The following NRXN1 variants were observed in gnomAD, a reference collection of about 807,000 sequenced individuals.
NRXN1 encodes neurexin-1.
A neutral mutation model predicts 150.9 loss-of-function variants in NRXN1; 39 were observed. The ratio of observed to expected loss-of-function variants is 0.26; its 90% CI spans 0.20 to 0.34. The LOEUF (loss-of-function observed/expected upper bound fraction) is 0.34. Ranked by LOEUF, NRXN1 falls within the 10% of genes least tolerant of loss-of-function variation. NRXN1 has a pLI of 1.00. For synonymous variants in NRXN1, 924 were observed against 757.0 expected (o/e 1.22, Z -3.62); for missense variants, 1,815 against 1,949.9 (o/e 0.93, Z 1.30).
intron 21 of NRXN1, among the ~76,000 whole-genome samples, chr2:49,945,393 T>C (rs553696922): frequency 8.9e-4 from 129 of 145,602 alleles, no homozygotes; most frequent in African/African-American, 3.0e-3. Flanking sequence ...GGTTTTCTCT[T>C]TTTTTTTTTT....
chr2:50,369,757 A>G (rs1295798970), intron 17 of NRXN1, among the ~76,000 whole-genome samples: 1 of 151,964 alleles, frequency 6.6e-6, no homozygotes, highest in African/African-American at 2.4e-5. Context: ...TAATCGAAGT[A>G]ATGATCAGTG....
chr2:50,959,178 C>T (rs528650090), intron 2 of NRXN1, among the ~76,000 whole-genome samples: 1 of 152,094 alleles, frequency 6.6e-6, no homozygotes, highest in East Asian at 1.9e-4. Flanking sequence ...AATGATGCAA[C>T]CCCTTTGGAA....
At chr2:50,344,035 C>A (rs1455746315) in intron 17 of NRXN1, among the ~76,000 whole-genome samples, 1 of 152,072 alleles carries the variant, frequency 6.6e-6, no homozygotes, top group Non-Finnish European at 1.5e-5. Context: ...TTCCTTTCAC[C>A]CTCATCTATT....
At chr2:50,528,383 TTC>T (rs1158120991) in intron 12 of NRXN1, among the ~76,000 whole-genome samples, 1 of 152,140 alleles carries the variant, frequency 6.6e-6, no homozygotes, top group African/African-American at 2.4e-5. Context: ...TGCTGGCACA[TTC>T]TGTTACAAAA....
At chr2:49,986,093 A>C (rs562803331) in intron 21 of NRXN1, among the ~76,000 whole-genome samples, 18 of 152,350 alleles carry the variant, frequency 1.2e-4, no homozygotes, top group Admixed American at 2.6e-4. Context: ...TGTTAACTTA[A>C]TAATATGTGA....
intron 18 of NRXN1, among the ~76,000 whole-genome samples, chr2:50,109,343 T>G (rs894439611): frequency 1.3e-5 from 2 of 152,174 alleles, no homozygotes; most frequent in Non-Finnish European, 2.9e-5. Flanking sequence ...AATTCTATTT[T>G]ATTTTCAGTT....
chr2:50,418,540 T>A (rs183535144), intron 17 of NRXN1, among the ~76,000 whole-genome samples: 54 of 152,216 alleles, frequency 3.5e-4, no homozygotes, highest in African/African-American at 1.1e-3. Flanking sequence ...TAGTGTCTTT[T>A]CAGAAAGCCC....
At chr2:50,746,405 A>T (rs1429194754) in intron 5 of NRXN1, among the ~76,000 whole-genome samples, 2 of 152,086 alleles carry the variant, frequency 1.3e-5, no homozygotes, top group South Asian at 2.1e-4. Context: ...AAAAAATTTT[A>T]AAAATTGGCC....
intron 12 of NRXN1, among the ~76,000 whole-genome samples, chr2:50,515,802 CA>C (rs758428767): frequency 1.3e-5 from 2 of 152,022 alleles, no homozygotes; most frequent in Non-Finnish European, 2.9e-5. Context: ...GTCATTGTGA[CA>C]ATGATGAGAA....
chr2:50,432,888 C>T (rs1237480063), intron 17 of NRXN1, among the ~76,000 whole-genome samples: 1 of 152,162 alleles, frequency 6.6e-6, no homozygotes. Flanking sequence ...AGCAGAGGCT[C>T]CATTTTTGTT....
chr2:50,828,048 C>T (rs1464442479), intron 5 of NRXN1, among the ~76,000 whole-genome samples: 3 of 150,222 alleles, frequency 2.0e-5, no homozygotes, highest in Non-Finnish European at 1.5e-5. Context: ...TCAATCTTTT[C>T]CCCACCTTTC....
At chr2:50,907,169 G>A (rs1355751807) in intron 5 of NRXN1, among the ~76,000 whole-genome samples, 2 of 145,176 alleles carry the variant, frequency 1.4e-5, no homozygotes, top group African/African-American at 2.5e-5. Flanking sequence ...AGAAGAATCT[G>A]AAAAAAACCA....
At chr2:51,026,403 C>A (rs1181781149) in intron 2 of NRXN1, 2 of 1,601,644 alleles carry the variant, frequency 1.2e-6, no homozygotes, top group Non-Finnish European at 1.7e-6. Context: ...ATTTATACAA[C>A]AGTATTTTCC....
chr2:50,865,756 T>G (rs2106063066), intron 5 of NRXN1, among the ~76,000 whole-genome samples: 1 of 140,434 alleles, frequency 7.1e-6, no homozygotes, highest in East Asian at 2.3e-4. Context: ...TTTTTGGTGG[T>G]GGGGGGATGT....
At chr2:50,140,597 T>C (rs1302378875) in intron 18 of NRXN1, among the ~76,000 whole-genome samples, 2 of 151,992 alleles carry the variant, frequency 1.3e-5, no homozygotes, top group Non-Finnish European at 2.9e-5. Flanking sequence ...GTAGCAACTA[T>C]TCACTTCCAT....
At chr2:50,449,762 T>C (rs908011513) in intron 17 of NRXN1, among the ~76,000 whole-genome samples, 1 of 152,212 alleles carries the variant, frequency 6.6e-6, no homozygotes, top group African/African-American at 2.4e-5. Context: ...TTTCCTCTTG[T>C]GTATGAGCTC....
intron 17 of NRXN1, among the ~76,000 whole-genome samples, chr2:50,280,253 G>A (rs1434084801): frequency 6.9e-6 from 1 of 144,884 alleles, no homozygotes; most frequent in Admixed American, 7.1e-5. Context: ...ACTCCAGCCT[G>A]GGTCACAGAG....
At chr2:50,250,142 C>G (rs188441597) in intron 17 of NRXN1, among the ~76,000 whole-genome samples, 61 of 152,248 alleles carry the variant, frequency 4.0e-4, no homozygotes, top group East Asian at 2.9e-3. Context: ...AATTGCTTCT[C>G]TATTCAAAGA....
intron 12 of NRXN1, among the ~76,000 whole-genome samples, chr2:50,508,342 C>G (rs1265917122): frequency 1.3e-5 from 2 of 151,522 alleles, no homozygotes; most frequent in Non-Finnish European, 2.9e-5. Context: ...GGCTAAATAA[C>G]TAGAGAAAGC....
Sources: gnomAD v4.1 joint callset for allele counts (sites outside exome capture counted in the v4.1 genomes callset) on GRCh38, gnomAD v4.1.1 for gene constraint, MANE v1.5 for transcripts, NCBI Gene and HGNC (gene_info 2026-07-23, HGNC 2026-07-21) for gene names.